EXOSC10: variants seen among roughly 807,000 people sequenced by gnomAD.
EXOSC10 encodes exosome component 10, also known as exosome complex component 10.
In EXOSC10, 94 loss-of-function variants were observed where a neutral mutation model predicts 126.6. The ratio of observed to expected loss-of-function variants is 0.74; its 90% CI spans 0.63 to 0.88. EXOSC10 has a LOEUF of 0.88. Among genes scored for constraint, EXOSC10 ranks in the 40% least tolerant of loss-of-function variants. EXOSC10 has a pLI of 0.00. For missense variants in EXOSC10, 1,041 were observed against 1,100.5 expected (o/e 0.95, Z 0.77); for synonymous variants, 395 against 400.8 (o/e 0.99, Z 0.17).
At chr1:11,076,564 C>T (rs1168518685) in intron 17 of EXOSC10, among the ~76,000 whole-genome samples, 1 of 152,180 alleles carries the variant, frequency 6.6e-6, no homozygotes, top group Non-Finnish European at 1.5e-5. Context: ...GCCCTCCTCC[C>T]ACTAGGTGCT....
At chr1:11,090,901 G>C in intron 5 of EXOSC10, 113 bp downstream of exon 5, 2 of 1,156,238 alleles carry the variant, frequency 1.7e-6, no homozygotes. Context: ...GGCTCCCTTT[G>C]AACAAAGGAG....
intron 3 of EXOSC10, 136 bp from the exon 4 acceptor site, chr1:11,091,733 AC>A: frequency 1.6e-6 from 1 of 608,836 alleles, no homozygotes; most frequent in Admixed American, 2.7e-5. Context: ...ATCTTGCCTC[AC>A]TGCAACTCTT....
Position 11,091,539 on chromosome 1 carries a change from G to A in EXOSC10, c.431C>T (p.Ala144Val), listed in dbSNP as rs760329299. The A allele has an allele frequency of 1.2e-6, 2 of 1,614,164 alleles. No individual in the cohort carries two copies. The highest frequency in any genetic ancestry group is 2.2e-5 in the East Asian group (1 of 44,886). ...TACCGTTTTGGGGACCTGCAAGCCG[G>A]CAGGGAGGACAGGCTGTTGATTCTT... is the stretch of plus-strand genomic sequence containing the variant. ...VNKNQQPVLPAGLQVPKTVVS... is the reference protein window; with the variant it reads ...VNKNQQPVLPVGLQVPKTVVS... The change falls in exon 4 of 25, where the codon GCC becomes GTC. Residue 144 changes from alanine (A) to valine (V), a missense_variant. Physicochemically the swap from Ala to Val is moderately conservative, Grantham distance 64. This residue lies in a region of EXOSC10 where 645 missense variants were observed against 656.3 expected (regional missense o/e 0.98). Transcript: ENST00000376936.
chr1:11,095,962 T>C (rs1208736056), intron 2 of EXOSC10, 81 bp from the exon 3 acceptor site: 3 of 1,509,166 alleles, frequency 2.0e-6, no homozygotes, highest in Non-Finnish European at 1.8e-6. Flanking sequence ...GTTCAAATGA[T>C]GTGGCTCAGA....
intron 22 of EXOSC10, 40 bp downstream of exon 22, chr1:11,069,519 C>A: frequency 6.3e-7 from 1 of 1,596,854 alleles, no homozygotes; most frequent in South Asian, 1.1e-5. Flanking sequence ...CCCTCTGACG[C>A]GCACAGATGT....
At position 11,082,710 on chromosome 1, in the gene EXOSC10, G is replaced by A; in HGVS notation, c.1258C>T (p.Gln420Ter). 2 of 1,614,198 alleles carry A rather than the reference G, an allele frequency of 1.2e-6. No homozygotes were observed. Among genetic ancestry groups the A allele is most frequent in the Non-Finnish European group, 1.7e-6 (2 of 1,180,030 alleles). ...YCNVDSNKQY[Q>*]LADWRIRPLP... ...GACCGTATTCTCCAATCAGCCAGCT[G>A]ATATTGCTTGTTTGAGTCCACGTTG... Residue 420 changes from glutamine to a stop codon, truncating the protein, a stop_gained, in exon 10 of 25, where the codon CAG becomes TAG. Coordinates refer to ENST00000376936, the MANE Select transcript of EXOSC10 (RefSeq NM_001001998.3). LOFTEE classifies it high-confidence loss of function.
In EXOSC10 at chr1:11,095,692, C is replaced by T. The variant is rs569743040; in HGVS notation, c.372+66G>A. On this transcript the variant is annotated intron_variant, in intron 3 of 24. Coordinates refer to ENST00000376936, the MANE Select transcript of EXOSC10 (RefSeq NM_001001998.3). ...TCGCATCACTGCACTCCAGCCTGGGCGACAGAGCGAGACTCCGTCTCAAAA... is the reference window on the plus strand; with the variant it reads ...TCGCATCACTGCACTCCAGCCTGGGTGACAGAGCGAGACTCCGTCTCAAAA... 53 of 1,489,488 alleles carry T rather than the reference C, an allele frequency of 3.6e-5. 1 individual carries two copies. In the Middle Eastern group the frequency reaches 8.8e-4, roughly 25 times the overall value. The allele number at this position is 1,489,488 out of a possible 1,614,324, so 92.3% of individuals were successfully genotyped here.
chr1:11,068,700 C>T lies in EXOSC10; in HGVS notation c.2495G>A (p.Ser832Asn), dbSNP rs1256824588. The part of the protein sequence containing the change: ...QSDFKAFAGN[S>N]KSKVSSQFDP... ...AAACTGAGAAGAAACTTTGGATTTG[C>T]TGTTTCCTGAAAGGTAAGAGATGAG... Residue 832 changes from serine to asparagine, a missense_variant, in exon 23 of 25, where the codon AGC becomes AAC. By Grantham distance (46) the Ser-to-Asn change is conservative (BLOSUM62 1). Coordinates refer to ENST00000376936, the MANE Select transcript of EXOSC10 (RefSeq NM_001001998.3). 6.2e-7 allele frequency: 1 copy of T among 1,614,030 alleles called. No homozygotes were observed. Among genetic ancestry groups the T allele is most frequent in the South Asian group, 1.1e-5 (1 of 91,090 alleles).
chr1:11,095,571 A>AG (rs1317866157), intron 3 of EXOSC10, 187 bp downstream of exon 3: 6 of 439,816 alleles, frequency 1.4e-5, no homozygotes, highest in Non-Finnish European at 2.5e-5. Context: ...AAAATTAGCC[A>AG]GGTGTGGTGG....
intron 21 of EXOSC10, among the ~76,000 whole-genome samples, chr1:11,070,284 AAG>A (rs1553164374): frequency 3.9e-4 from 59 of 150,520 alleles, no homozygotes; most frequent in Non-Finnish European, 7.6e-4. Context: ...AAAAAAAAAA[AAG>A]GAAAGGCAGG....
rs1557705269 is a variant in EXOSC10 at position 11,081,167 on chromosome 1, A to G, written c.1352T>C (p.Met451Thr). ...THYLLYIYDK[M>T]RLEMWERGNG... ...GCCGCGCTCCCACATCTCCAGCCTC[A>G]TTTTGTCATAGATATATAGCAGGTA... Residue 451 changes from methionine to threonine, a missense_variant, in exon 11 of 25, where the codon ATG becomes ACG. Coordinates refer to ENST00000376936, the MANE Select transcript of EXOSC10 (RefSeq NM_001001998.3). 1 of 1,613,996 alleles carries G rather than the reference A, an allele frequency of 6.2e-7. No individual in the cohort carries two copies. The highest frequency in any genetic ancestry group is 1.3e-5 in the African/African-American group (1 of 74,906).
intron 4 of EXOSC10, 67 bp from the exon 5 acceptor site, chr1:11,091,246 T>C: frequency 6.8e-7 from 1 of 1,468,144 alleles, no homozygotes. Flanking sequence ...TAAATTCCAA[T>C]TTATGACTTC....
At chr1:11,078,082 G>A (rs865774234) in intron 14 of EXOSC10, among the ~76,000 whole-genome samples, 3 of 152,126 alleles carry the variant, frequency 2.0e-5, no homozygotes, top group Admixed American at 2.0e-4. Flanking sequence ...AGACCAGTCT[G>A]GGAAACACAG....
chr1:11,072,022 G>A (rs753122624), intron 20 of EXOSC10, 65 bp downstream of exon 20: 12 of 1,366,816 alleles, frequency 8.8e-6, no homozygotes, highest in Non-Finnish European at 1.1e-5. Context: ...GCACTTGGCT[G>A]AAACAGCGGG....
At chr1:11,098,224 T>C in intron 1 of EXOSC10, 68 bp from the exon 2 acceptor site, 1 of 1,527,072 alleles carries the variant, frequency 6.5e-7, no homozygotes, top group South Asian at 1.3e-5. Context: ...GTCATTTTTT[T>C]GATCTATCGT....
At position 11,088,113 on chromosome 1, in the gene EXOSC10, G is replaced by A; in HGVS notation, c.834+10C>T. 1 of 1,607,996 alleles carries A rather than the reference G, an allele frequency of 6.2e-7. No individual in the cohort carries two copies. Among genetic ancestry groups the A allele is most frequent in the African/African-American group, 1.3e-5 (1 of 74,842 alleles). On this transcript the variant is annotated intron_variant, in intron 7 of 24. Coordinates refer to ENST00000376936, the MANE Select transcript of EXOSC10 (RefSeq NM_001001998.3). ...TACACGGCACCTTTAAACTAAGGCTGGGTACTAACCTGGGGTTGTGGCTTT... is the reference window on the plus strand; with the variant it reads ...TACACGGCACCTTTAAACTAAGGCTAGGTACTAACCTGGGGTTGTGGCTTT...
chr1:11,097,854 C>G (rs1641201563), intron 2 of EXOSC10, among the ~76,000 whole-genome samples, 166 bp downstream of exon 2: 1 of 152,110 alleles, frequency 6.6e-6, no homozygotes, highest in Non-Finnish European at 1.5e-5. Context: ...TAAAAATATA[C>G]CAAGTAATAT....
chr1:11,085,773 T>G (rs1640460282), intron 9 of EXOSC10, among the ~76,000 whole-genome samples: 1 of 150,848 alleles, frequency 6.6e-6, no homozygotes, highest in Non-Finnish European at 1.5e-5. Context: ...TAGATAGCTC[T>G]TATTATTTTG....
At chr1:11,079,596 G>A (rs963397971) in intron 14 of EXOSC10, 115 bp downstream of exon 14, 9 of 788,332 alleles carry the variant, frequency 1.1e-5, no homozygotes, top group Non-Finnish European at 1.9e-5. Flanking sequence ...GTTTCACCAT[G>A]TTGGCCAGGC....
Sources: allele counts gnomAD v4.1 joint callset (sites outside exome capture counted in the v4.1 genomes callset), GRCh38; gene constraint gnomAD v4.1.1; regional missense constraint gnomAD v4.1.1; transcripts MANE v1.5; gene names NCBI Gene and HGNC (gene_info 2026-07-23, HGNC 2026-07-21).